SLC9A9: variants seen among roughly 807,000 people sequenced by gnomAD.
SLC9A9 encodes solute carrier family 9 member A9, also known as sodium/hydrogen exchanger 9.
A neutral mutation model predicts 77.8 loss-of-function variants in SLC9A9; 62 were observed. The ratio of observed to expected loss-of-function variants is 0.80; its 90% CI spans 0.65 to 0.98. The LOEUF (loss-of-function observed/expected upper bound fraction) is 0.98, where lower values mean the gene tolerates loss of function less well. SLC9A9 is among the 50% of genes least tolerant of loss of function. The pLI is 0.00. For synonymous variants in SLC9A9, 320 were observed against 283.5 expected, an observed-to-expected ratio of 1.13 and a Z score of -1.29; for missense variants, 775 against 774.9, an observed-to-expected ratio of 1.00 and a Z score of 0.00.
chr3:143,632,393 T>A (rs2038442987), intron 6 of SLC9A9, among the ~76,000 whole-genome samples: 2 of 152,130 alleles, frequency 1.3e-5, no homozygotes, highest in Admixed American at 6.5e-5. Context: ...GGGTCACAAC[T>A]GGCCATATCC....
intron 4 of SLC9A9, among the ~76,000 whole-genome samples, chr3:143,729,386 T>C (rs1055065840): frequency 8.5e-5 from 13 of 152,296 alleles, no homozygotes; most frequent in African/African-American, 2.6e-4. Flanking sequence ...ATCTACTTCA[T>C]TGGCTGATGT....
chr3:143,712,357 C>T (rs1356969950), intron 4 of SLC9A9, among the ~76,000 whole-genome samples: 1 of 152,136 alleles, frequency 6.6e-6, no homozygotes, highest in Non-Finnish European at 1.5e-5. Context: ...AACTGAGGTT[C>T]AGAGGAAGAG....
chr3:143,505,051 G>A (rs535378771), intron 9 of SLC9A9, among the ~76,000 whole-genome samples: 2 of 152,198 alleles, frequency 1.3e-5, no homozygotes, highest in African/African-American at 4.8e-5. Flanking sequence ...GAAGATATCA[G>A]TGACTCTGAC....
At position 143,449,590 on chromosome 3, in the gene SLC9A9, A is replaced by AATATAATTATATAAAATATAATAATT. The variant is rs1559921230; in HGVS notation, c.1469+17421_1469+17446dup. Among the ~76,000 whole-genome samples the AATATAATTATATAAAATATAATAATT allele has an allele frequency of 4.6e-4, 9 of 19,708 alleles. 2 individuals carry two copies. The highest frequency in any genetic ancestry group is 6.7e-4 in the Non-Finnish European group (9 of 13,532). The allele number at this position is 19,708 out of a possible 152,430, so 12.9% of individuals were successfully genotyped here. A position where few individuals can be genotyped will look rare whatever the true frequency, so the allele number is the denominator to read the frequency against. ...TAATTATAATTATATAATTATATAA[A>AATATAATTATATAAAATATAATAATT]ATATAATTATATAAAATATAATAAT... is the stretch of plus-strand genomic sequence containing the variant. On this transcript the variant is annotated intron_variant, in intron 12 of 15. Coordinates refer to ENST00000316549, the MANE Select transcript of SLC9A9 (RefSeq NM_173653.4).
intron 6 of SLC9A9, among the ~76,000 whole-genome samples, chr3:143,622,894 G>C (rs908270631): frequency 5.9e-5 from 9 of 152,208 alleles, no homozygotes; most frequent in African/African-American, 1.9e-4. Context: ...ACACACATAG[G>C]CTCAAAATAA....
intron 6 of SLC9A9, among the ~76,000 whole-genome samples, chr3:143,585,494 A>T (rs1239395972): frequency 6.6e-6 from 1 of 152,162 alleles, no homozygotes; most frequent in Non-Finnish European, 1.5e-5. Flanking sequence ...CATCTTACAC[A>T]TACTATACAC....
intron 6 of SLC9A9, among the ~76,000 whole-genome samples, chr3:143,604,562 A>T (rs1391346789): frequency 5.3e-5 from 8 of 152,196 alleles, no homozygotes; most frequent in African/African-American, 1.9e-4. Context: ...AGAGAAAATA[A>T]TAGTTGTCTA....
chr3:143,343,046 A>G (rs149403206), intron 14 of SLC9A9, among the ~76,000 whole-genome samples: 3 of 152,208 alleles, frequency 2.0e-5, no homozygotes, highest in African/African-American at 4.8e-5. Context: ...CTGTTTCTCA[A>G]ATCTACAACT....
rs115803763 is a variant in SLC9A9, at chr3:143,804,339, A to G, written c.379-7436T>C. 8.8e-3 allele frequency among the ~76,000 whole-genome samples: 1,337 copies of G among 152,164 alleles called. 19 individuals are homozygous for G. The highest frequency in any genetic ancestry group is 0.03 in the African/African-American group (1,257 of 41,508). On this transcript the variant is annotated intron_variant, in intron 2 of 15. Transcript: ENST00000316549. ...CTCCTCCCAGGCCCTCTTCTTGTTT[A>G]CTTACCCCTAGCCCCGTAAATAACA...
intron 6 of SLC9A9, among the ~76,000 whole-genome samples, chr3:143,601,401 C>T (rs902803649): frequency 6.6e-6 from 1 of 152,156 alleles, no homozygotes; most frequent in African/African-American, 2.4e-5. Flanking sequence ...TCTTCATATT[C>T]CCATGAAATA....
intron 3 of SLC9A9, 76 bp downstream of exon 3, chr3:143,796,750 A>G: frequency 2.9e-6 from 3 of 1,034,514 alleles, no homozygotes; most frequent in Non-Finnish European, 2.9e-6. Context: ...AGCCCATAAA[A>G]ATAACAGTTT....
chr3:143,278,114 G>T (rs930776384), intron 14 of SLC9A9, among the ~76,000 whole-genome samples: 2 of 152,154 alleles, frequency 1.3e-5, no homozygotes, highest in African/African-American at 4.8e-5. Context: ...CATGGGCAAG[G>T]ATCCCAGGGA....
intron 12 of SLC9A9, among the ~76,000 whole-genome samples, chr3:143,394,975 C>T (rs1330737206): frequency 6.6e-6 from 1 of 152,180 alleles, no homozygotes; most frequent in Middle Eastern, 3.2e-3. Flanking sequence ...GAGAACATTC[C>T]ATGCTCATGG....
intron 12 of SLC9A9, among the ~76,000 whole-genome samples, chr3:143,448,146 G>C (rs924877590): frequency 1.3e-5 from 2 of 152,158 alleles, no homozygotes; most frequent in Non-Finnish European, 2.9e-5. Context: ...TGGAAACTAA[G>C]TGGTAAGGAC....
intron 2 of SLC9A9, among the ~76,000 whole-genome samples, chr3:143,818,762 T>A (rs2009085730): frequency 6.6e-6 from 1 of 151,998 alleles, no homozygotes; most frequent in African/African-American, 2.4e-5. Flanking sequence ...CTAGAAAACT[T>A]AGTATTATGA....
intron 2 of SLC9A9, among the ~76,000 whole-genome samples, chr3:143,808,101 G>C (rs1474873668): frequency 6.6e-6 from 1 of 152,226 alleles, no homozygotes; most frequent in Non-Finnish European, 1.5e-5. Context: ...AGGAAAGGGA[G>C]AAATCACTTC....
intron 10 of SLC9A9, 125 bp downstream of exon 10, chr3:143,495,210 G>T: frequency 1.3e-6 from 1 of 766,078 alleles, no homozygotes; most frequent in Non-Finnish European, 2.3e-6. Context: ...TCACGTATCT[G>T]CCTTGTGTCT....
At chr3:143,294,849 A>T (rs2030179330) in intron 14 of SLC9A9, among the ~76,000 whole-genome samples, 1 of 152,260 alleles carries the variant, frequency 6.6e-6, no homozygotes, top group Admixed American at 6.5e-5. Context: ...CACATAGCCC[A>T]GGCAATAAAT....
intron 2 of SLC9A9, among the ~76,000 whole-genome samples, chr3:143,801,889 G>A (rs1199812243): frequency 1.3e-5 from 2 of 152,082 alleles, no homozygotes; most frequent in South Asian, 4.1e-4. Flanking sequence ...GCTGAAAGAG[G>A]TTTCCTCACT....
Sources: gnomAD v4.1 joint callset for allele counts (sites outside exome capture counted in the v4.1 genomes callset) on GRCh38, gnomAD v4.1.1 for gene constraint, MANE v1.5 for transcripts, NCBI Gene and HGNC (gene_info 2026-07-23, HGNC 2026-07-21) for gene names.